Variants in CFAP47 observed in about 807,000 individuals in gnomAD.
CFAP47 encodes cilia and flagella associated protein 47.
Under a neutral mutation model 148.1 loss-of-function variants are expected in CFAP47, and 29 were observed. That is an observed-to-expected ratio of 0.20 (90% confidence interval 0.15 to 0.27). The LOEUF (loss-of-function observed/expected upper bound fraction) is 0.27, where lower values mean the gene tolerates loss of function less well. Among genes scored for constraint, CFAP47 ranks in the 10% least tolerant of loss-of-function variants. The pLI, the probability that CFAP47 is intolerant of heterozygous loss-of-function variation, is 1.00. For synonymous variants in CFAP47, 664 were observed against 577.3 expected, an observed-to-expected ratio of 1.15 and a Z score of -2.15; for missense variants, 1,872 against 1,697.5, an observed-to-expected ratio of 1.10 and a Z score of -1.81.
In CFAP47 at chrX:36,230,220, C is replaced by A. The variant is rs868919957; in HGVS notation, c.7014+1396C>A. ...CACAATGGTTGAACTAGTTTACAGTCCCACCAACAGTGTAAAAGTGTTCCT... is the reference window on the plus strand; with the variant it reads ...CACAATGGTTGAACTAGTTTACAGTACCACCAACAGTGTAAAAGTGTTCCT... On this transcript the variant is annotated intron_variant, in intron 46 of 63. Transcript: ENST00000378653. Among the ~76,000 whole-genome samples the A allele has an allele frequency of 5.2e-3, 522 of 100,461 alleles. 3 individuals are homozygous for A. Among genetic ancestry groups the A allele is most frequent in the African/African-American group, 0.018 (478 of 26,823 alleles). The allele number at this position is 100,461 out of a possible 115,157, so 87.2% of individuals were successfully genotyped here.
At chrX:36,381,045 T>C (rs1401114054) in intron 63 of CFAP47, among the ~76,000 whole-genome samples, 1 of 111,985 alleles carries the variant, frequency 8.9e-6, no homozygotes, top group Non-Finnish European at 1.9e-5. Flanking sequence ...ACAGTTTATG[T>C]AGGGAAAATT....
chrX:36,046,350 C>T (rs1366180509), intron 25 of CFAP47, among the ~76,000 whole-genome samples: 1 of 110,145 alleles, frequency 9.1e-6, no homozygotes, highest in African/African-American at 3.3e-5. Flanking sequence ...TTAAGTATGT[C>T]AACATTAAGT....
intron 4 of CFAP47, among the ~76,000 whole-genome samples, chrX:35,950,316 A>C (rs1427519028): frequency 8.9e-6 from 1 of 111,991 alleles, no homozygotes; most frequent in Non-Finnish European, 1.9e-5. Flanking sequence ...AATTCATTTG[A>C]GAAGTGAAGT....
chrX:36,251,464 A>C lies in CFAP47; in HGVS notation c.7444+20A>C, dbSNP rs1162545046. ...TGAAAGGTATAAAATCCATTAATAA[A>C]ATATTAGTCATTTTCCTACTACGCT... On this transcript the variant is annotated intron_variant, in intron 49 of 63. Transcript: ENST00000378653. 2.1e-6 allele frequency: 1 copy of C among 474,332 alleles called. No individual in the cohort carries two copies. The highest frequency in any genetic ancestry group is 2.4e-5 in the African/African-American group (1 of 41,408). The allele number at this position is 474,332 out of a possible 1,213,427, so 39.1% of individuals were successfully genotyped here. A position where few individuals can be genotyped will look rare whatever the true frequency, so the allele number is the denominator to read the frequency against.
intron 61 of CFAP47, among the ~76,000 whole-genome samples, chrX:36,363,223 C>T (rs1224453504): frequency 9.0e-6 from 1 of 111,450 alleles, no homozygotes; most frequent in Non-Finnish European, 1.9e-5. Context: ...TACAGTCATG[C>T]ATCACTTAAC....
intron 39 of CFAP47, among the ~76,000 whole-genome samples, chrX:36,163,318 A>G (rs775575612): frequency 8.8e-4 from 98 of 111,161 alleles, no homozygotes; most frequent in Non-Finnish European, 1.5e-3. Context: ...ATAATTTGTC[A>G]TTTCACTGAT....
chrX:36,073,991 A>G (rs73470905), intron 29 of CFAP47, among the ~76,000 whole-genome samples: 2,913 of 111,926 alleles, frequency 0.026, 90 homozygotes, highest in African/African-American at 0.09. Context: ...CAACCACGGC[A>G]GGGAGTACAG....
chrX:35,960,081 T>C (rs1052188333), intron 8 of CFAP47, among the ~76,000 whole-genome samples: 2 of 107,760 alleles, frequency 1.9e-5, no homozygotes, highest in Non-Finnish European at 1.9e-5. Flanking sequence ...ATGTCAGTAC[T>C]ACAATATATT....
At chrX:36,041,224 A>G (rs1393797498) in intron 25 of CFAP47, among the ~76,000 whole-genome samples, 4 of 111,261 alleles carry the variant, frequency 3.6e-5, no homozygotes, top group African/African-American at 1.3e-4. Context: ...TACAATGGAT[A>G]CTAATACAGT....
At chrX:36,136,451 A>G (rs1232129630) in intron 33 of CFAP47, among the ~76,000 whole-genome samples, 1 of 110,541 alleles carries the variant, frequency 9.0e-6, no homozygotes, top group Non-Finnish European at 1.9e-5. Context: ...TTCAGATCAA[A>G]AGTTATCATT....
chrX:36,251,753 C>T (rs1256848098), intron 49 of CFAP47, among the ~76,000 whole-genome samples: 1 of 111,046 alleles, frequency 9.0e-6, no homozygotes, highest in Non-Finnish European at 1.9e-5. Flanking sequence ...TACTTATACC[C>T]GCGTATCAAC....
intron 48 of CFAP47, among the ~76,000 whole-genome samples, chrX:36,247,738 A>G (rs1555997399): frequency 9.0e-6 from 1 of 111,256 alleles, no homozygotes. Context: ...TCTGACAGTA[A>G]TGGAAGATTA....
intron 54 of CFAP47, among the ~76,000 whole-genome samples, chrX:36,304,394 A>C (rs1171143928): frequency 7.2e-5 from 5 of 69,148 alleles, no homozygotes; most frequent in African/African-American, 3.0e-4. Context: ...AAAGTAATCA[A>C]AAAAAAAAAA....
At chrX:36,024,631 C>T (rs965540100) in intron 22 of CFAP47, among the ~76,000 whole-genome samples, 24 of 111,370 alleles carry the variant, frequency 2.2e-4, no homozygotes, top group African/African-American at 7.2e-4. Context: ...CTACTGGGAT[C>T]AGTGATTCAC....
intron 19 of CFAP47, among the ~76,000 whole-genome samples, chrX:35,998,668 T>C (rs759125703): frequency 9.9e-5 from 11 of 111,402 alleles, no homozygotes; most frequent in African/African-American, 2.9e-4. Context: ...CTTTAACTTA[T>C]ACTTTTATAA....
At chrX:36,323,068 C>G (rs1284991264) in intron 57 of CFAP47, among the ~76,000 whole-genome samples, 2 of 110,505 alleles carry the variant, frequency 1.8e-5, no homozygotes, top group Non-Finnish European at 1.9e-5. Context: ...AGCATTTATA[C>G]CCTTAAAACT....
At chrX:36,087,647 T>A (rs1027676542) in intron 30 of CFAP47, among the ~76,000 whole-genome samples, 7 of 112,047 alleles carry the variant, frequency 6.2e-5, no homozygotes, top group Non-Finnish European at 1.1e-4. Flanking sequence ...GAGCATGGAA[T>A]GGGGCCAATG....
chrX:36,173,195 T>C (rs777842617), intron 39 of CFAP47, among the ~76,000 whole-genome samples: 1 of 111,939 alleles, frequency 8.9e-6, no homozygotes, highest in African/African-American at 3.2e-5. Flanking sequence ...TCTGTTTTTT[T>C]CTTTATTAGT....
At chrX:36,336,524 C>G (rs1471012770) in intron 57 of CFAP47, among the ~76,000 whole-genome samples, 1 of 111,129 alleles carries the variant, frequency 9.0e-6, no homozygotes, top group East Asian at 2.8e-4. Context: ...TAGCAATAGA[C>G]AGATCTCAAG....
Sources: allele counts gnomAD v4.1 joint callset (sites outside exome capture counted in the v4.1 genomes callset), GRCh38; gene constraint gnomAD v4.1.1; transcripts MANE v1.5; gene names NCBI Gene and HGNC (gene_info 2026-07-23, HGNC 2026-07-21).